Variants in ADARB2 observed in about 807,000 individuals in gnomAD.
ADARB2 encodes adenosine deaminase RNA specific B2 (inactive).
ADARB2 carries 25 observed loss-of-function variants against 62.2 expected under a neutral mutation model. That is an observed-to-expected ratio of 0.40 (90% CI 0.29 to 0.56). The LOEUF (loss-of-function observed/expected upper bound fraction) is 0.56, where lower values mean the gene tolerates loss of function less well. Ranked by LOEUF, ADARB2 falls within the 20% of genes least tolerant of loss-of-function variation. ADARB2 has a pLI of 0.43. For synonymous variants in ADARB2, 572 were observed against 500.8 expected (o/e 1.14, Z -1.90); for missense variants, 1,071 against 1,077.4 (o/e 0.99, Z 0.08).
rs1554772446 is a variant in ADARB2 at position 1,568,800 on chromosome 10, C to CCCTATCTA, written c.100+168250_100+168251insTAGATAGG. ...TGTGCATATATCTATATGTCTCTAT[C>CCCTATCTA]TCTATCTATCTATCTATCTATCTAT... On this transcript the variant is annotated intron_variant, in intron 1 of 9. Transcript: ENST00000381312. Among the ~76,000 whole-genome samples the CCCTATCTA allele has an allele frequency of 2.7e-5, 4 of 148,454 alleles. No individual in the cohort carries two copies. The Admixed American group carries it at 2.7e-4, about 10-fold the overall frequency.
intron 1 of ADARB2, among the ~76,000 whole-genome samples, chr10:1,722,757 C>A (rs1835108465): frequency 6.6e-6 from 1 of 152,108 alleles, no homozygotes; most frequent in African/African-American, 2.4e-5. Flanking sequence ...TTTTGGAATT[C>A]AATGTACTTA....
At chr10:1,419,252 C>T (rs1832833006) in intron 1 of ADARB2, among the ~76,000 whole-genome samples, 1 of 152,138 alleles carries the variant, frequency 6.6e-6, no homozygotes. Flanking sequence ...CGCCACCACG[C>T]CCGTCTAATT....
At chr10:1,509,711 G>A (rs886793053) in intron 1 of ADARB2, among the ~76,000 whole-genome samples, 4 of 152,196 alleles carry the variant, frequency 2.6e-5, no homozygotes, top group East Asian at 1.9e-4. Context: ...CATTAGGTCC[G>A]TGCAGGCTCA....
chr10:1,257,997 T>C (rs1291397294), intron 4 of ADARB2, among the ~76,000 whole-genome samples: 1 of 152,156 alleles, frequency 6.6e-6, no homozygotes, highest in East Asian at 1.9e-4. Flanking sequence ...AGAATATCTT[T>C]ATTATATCTC....
rs78790863 is a variant in ADARB2, at chr10:1,549,886, C to A, written c.101-170726G>T. On this transcript the variant is annotated intron_variant, in intron 1 of 9. Coordinates refer to ENST00000381312, the MANE Select transcript of ADARB2 (RefSeq NM_018702.4). Reference sequence around the variant, plus strand: ...TCACCCCCTCTCCTGGGTGCTGGGTCTGCAGCGTGAGATTAGATGGAGCTC... The same window carrying A: ...TCACCCCCTCTCCTGGGTGCTGGGTATGCAGCGTGAGATTAGATGGAGCTC... Among the ~76,000 whole-genome samples the A allele has an allele frequency of 6.0e-3, 909 of 152,288 alleles. 8 individuals are homozygous for A. The highest frequency in any genetic ancestry group is 0.02 in the African/African-American group (845 of 41,558).
At position 1,360,134 on chromosome 10, in the gene ADARB2, T is replaced by C. The variant is rs79300343; in HGVS notation, c.1077+2894A>G. ...GCCCTGCGTGGGGTGAGCCTGGGACTGTGGGCAGAGAACCTCAAGCACCGG... is the reference window on the plus strand; with the variant it reads ...GCCCTGCGTGGGGTGAGCCTGGGACCGTGGGCAGAGAACCTCAAGCACCGG... On this transcript the variant is annotated intron_variant, in intron 3 of 9. Coordinates refer to ENST00000381312, the MANE Select transcript of ADARB2 (RefSeq NM_018702.4). Among the ~76,000 whole-genome samples the C allele has an allele frequency of 4.3e-3, 654 of 152,216 alleles. 11 individuals are homozygous for C. The highest frequency in any genetic ancestry group is 0.023 in the Admixed American group (355 of 15,312).
intron 6 of ADARB2, among the ~76,000 whole-genome samples, chr10:1,231,123 G>A (rs1020897802): frequency 2.0e-5 from 3 of 152,058 alleles, no homozygotes; most frequent in African/African-American, 7.2e-5. Flanking sequence ...TCTCAGGCGT[G>A]GACAAGGCTC....
In ADARB2 at chr10:1,606,978, C is replaced by T. The variant is rs375676715; in HGVS notation, c.100+130073G>A. ...TCAGGCAAAGAATGAAGAATTCCAC[C>T]ATCTACTTAAACTGCCAAAAGGAGT... is the stretch of plus-strand genomic sequence containing the variant. On this transcript the variant is annotated intron_variant, in intron 1 of 9. Transcript: ENST00000381312. Among the ~76,000 whole-genome samples, 3 of 152,282 alleles carry T rather than the reference C, an allele frequency of 2.0e-5. No individual in the cohort carries two copies. The South Asian group carries it at 6.2e-4, about 32-fold the overall frequency.
chr10:1,672,273 T>C (rs1834395929), intron 1 of ADARB2, among the ~76,000 whole-genome samples: 1 of 152,174 alleles, frequency 6.6e-6, no homozygotes. Flanking sequence ...TGCCCAGGGA[T>C]GTGCTGTGGG....
chr10:1,314,488 A>C (rs1213607647), intron 3 of ADARB2, among the ~76,000 whole-genome samples: 1 of 150,408 alleles, frequency 6.6e-6, no homozygotes, highest in Non-Finnish European at 1.5e-5. Context: ...CTTCCTTCCC[A>C]CATCGGCCCT....
intron 4 of ADARB2, among the ~76,000 whole-genome samples, chr10:1,266,910 T>G (rs1831210074): frequency 6.6e-6 from 1 of 152,074 alleles, no homozygotes; most frequent in Non-Finnish European, 1.5e-5. Flanking sequence ...AAAGGCAGTT[T>G]ATGAGCTGTA....
intron 1 of ADARB2, among the ~76,000 whole-genome samples, chr10:1,463,521 TGA>T (rs1178515124): frequency 2.6e-5 from 4 of 152,368 alleles, no homozygotes; most frequent in African/African-American, 9.6e-5. Flanking sequence ...CATCTCAGAA[TGA>T]GAGTCTATTT....
intron 3 of ADARB2, among the ~76,000 whole-genome samples, chr10:1,353,382 G>A (rs116844834): frequency 0.042 from 6,341 of 151,852 alleles, 200 homozygotes; most frequent in Admixed American, 0.08. Context: ...TTCTTCCAGC[G>A]CCTACACAGC....
intron 1 of ADARB2, among the ~76,000 whole-genome samples, chr10:1,603,156 CACACATTAACACACACACACCTGT>C (rs1833448358): frequency 3.5e-5 from 3 of 86,654 alleles, no homozygotes; most frequent in African/African-American, 1.1e-4. Flanking sequence ...CACACCTGTA[CACACATTAACACACACACACCTGT>C]ACACACATTC....
intron 1 of ADARB2, among the ~76,000 whole-genome samples, chr10:1,689,331 C>T (rs767821698): frequency 5.9e-5 from 9 of 152,184 alleles, no homozygotes; most frequent in Non-Finnish European, 8.8e-5. Context: ...AGGAGGGCTA[C>T]GTGCCCTGGA....
intron 1 of ADARB2, among the ~76,000 whole-genome samples, chr10:1,718,340 T>C (rs560703529): frequency 2.6e-5 from 4 of 152,328 alleles, no homozygotes; most frequent in South Asian, 4.1e-4. Flanking sequence ...CCCACCCACA[T>C]GCATGGACGG....
At chr10:1,711,979 T>C (rs950533811) in intron 1 of ADARB2, among the ~76,000 whole-genome samples, 2 of 152,240 alleles carry the variant, frequency 1.3e-5, no homozygotes, top group African/African-American at 4.8e-5. Context: ...AGCTTATTCA[T>C]TTAATGTTAG....
chr10:1,607,087 C>T (rs923627625), intron 1 of ADARB2, among the ~76,000 whole-genome samples: 1 of 152,208 alleles, frequency 6.6e-6, no homozygotes, highest in African/African-American at 2.4e-5. Context: ...TTTGAAATGT[C>T]TATAATTCAA....
chr10:1,543,255 G>A (rs545506126), intron 1 of ADARB2, among the ~76,000 whole-genome samples: 4 of 152,234 alleles, frequency 2.6e-5, no homozygotes, highest in Non-Finnish European at 4.4e-5. Context: ...CATCTGGAGG[G>A]CTGCGCCAGG....
Sources: gnomAD v4.1 joint callset for allele counts (sites outside exome capture counted in the v4.1 genomes callset) on GRCh38, gnomAD v4.1.1 for gene constraint, MANE v1.5 for transcripts, NCBI Gene and HGNC (gene_info 2026-07-23, HGNC 2026-07-21) for gene names.